Variants in LRTM3 observed in about 807,000 individuals in gnomAD.
LRTM3 encodes leucine-rich repeat transmembrane protein 3.
the LRTM3 span, chr13:102,747,160 C>T: frequency 6.4e-7 from 1 of 1,550,766 alleles, no homozygotes; most frequent in East Asian, 2.4e-5. Flanking sequence ...AATATGGATA[C>T]TTTTCTTCCC....
At chr13:102,738,707 A>G in the LRTM3 span, 6 of 1,550,680 alleles carry the variant, frequency 3.9e-6, no homozygotes, top group Non-Finnish European at 4.4e-6. Context: ...AGAGGATCTC[A>G]TTTTTATTCT....
At chr13:102,729,951 C>T in the LRTM3 span, 8 of 1,551,836 alleles carry the variant, frequency 5.2e-6, no homozygotes, top group Non-Finnish European at 6.1e-6. Flanking sequence ...GTTAAGGGAG[C>T]TGAAGAGTAA....
At chr13:102,751,623 T>C in the LRTM3 span, among the ~76,000 whole-genome samples, 1 of 152,190 alleles carries the variant, frequency 6.6e-6, no homozygotes, top group Non-Finnish European at 1.5e-5. Context: ...GCATATAAAA[T>C]AGGTCAGATA....
At chr13:102,751,671 T>C in the LRTM3 span, among the ~76,000 whole-genome samples, 12 of 152,334 alleles carry the variant, frequency 7.9e-5, 3 homozygotes, top group African/African-American at 2.6e-4. Context: ...ACAGATTATC[T>C]CTTACTTTAC....
the LRTM3 span, among the ~76,000 whole-genome samples, chr13:102,756,029 G>A: frequency 2.0e-5 from 3 of 148,586 alleles, 1 homozygote; most frequent in South Asian, 4.3e-4. Flanking sequence ...GTGCAATCTC[G>A]TCTCACTGCA....
the LRTM3 span, chr13:102,742,462 C>G: frequency 3.9e-6 from 6 of 1,548,836 alleles, no homozygotes; most frequent in Non-Finnish European, 5.2e-6. Flanking sequence ...CCCTTGTTTT[C>G]CAGTCTGCAG....
the LRTM3 span, chr13:102,758,478 T>C: frequency 6.5e-7 from 1 of 1,536,890 alleles, no homozygotes; most frequent in Non-Finnish European, 8.8e-7. Flanking sequence ...AAAGTCACAG[T>C]ATCAATGAGA....
At chr13:102,730,992 C>T in the LRTM3 span, 2 of 1,551,456 alleles carry the variant, frequency 1.3e-6, no homozygotes, top group Non-Finnish European at 1.7e-6. Flanking sequence ...GATTCTCTTA[C>T]AATTCTGGGA....
chr13:102,732,962 C>T, the LRTM3 span: 3 of 1,551,294 alleles, frequency 1.9e-6, no homozygotes, highest in Admixed American at 5.9e-5. Flanking sequence ...TTCCAGAACA[C>T]CTTCCTCTTG....
the LRTM3 span, chr13:102,733,959 A>G: frequency 6.4e-7 from 1 of 1,551,350 alleles, no homozygotes; most frequent in South Asian, 1.2e-5. Context: ...GGACAAGATG[A>G]TCCTGTAATT....
At chr13:102,738,155 G>C in the LRTM3 span, 1 of 1,550,934 alleles carries the variant, frequency 6.4e-7, no homozygotes, top group East Asian at 2.4e-5. Flanking sequence ...CTGTGAAAGT[G>C]CCTTCTTTGC....
chr13:102,732,024 A>G, the LRTM3 span: 6 of 1,551,126 alleles, frequency 3.9e-6, no homozygotes, highest in South Asian at 7.1e-5. Context: ...TTTGCTTCTG[A>G]TTTGACATTA....
chr13:102,758,983 T>A, the LRTM3 span: 1 of 1,140,302 alleles, frequency 8.8e-7, no homozygotes, highest in African/African-American at 1.6e-5. Context: ...AGTCCTTGAT[T>A]TCAGAGGCCC....
chr13:102,736,719 G>A, the LRTM3 span: 6 of 1,550,322 alleles, frequency 3.9e-6, no homozygotes, highest in Non-Finnish European at 5.2e-6. Flanking sequence ...ATATGGGAAA[G>A]GGGTGATTTC....
the LRTM3 span, among the ~76,000 whole-genome samples, chr13:102,754,859 T>G: frequency 6.6e-6 from 1 of 152,144 alleles, no homozygotes; most frequent in Admixed American, 6.5e-5. Context: ...AATCCTATAG[T>G]CATAGTAACA....
the LRTM3 span, chr13:102,731,828 G>A: frequency 1.3e-6 from 2 of 1,549,288 alleles, no homozygotes; most frequent in Non-Finnish European, 1.7e-6. Flanking sequence ...CCTTTGCTTG[G>A]GTAACTTTGG....
chr13:102,746,653 C>T, the LRTM3 span: 1 of 1,551,196 alleles, frequency 6.4e-7, no homozygotes, highest in Non-Finnish European at 8.7e-7. Context: ...TCTTTTTCAT[C>T]ACTTTAGAAC....
the LRTM3 span, chr13:102,749,340 A>G: frequency 3.9e-6 from 6 of 1,551,384 alleles, no homozygotes; most frequent in Non-Finnish European, 5.2e-6. Flanking sequence ...AATTCTGATG[A>G]AACAATTTGT....
the LRTM3 span, among the ~76,000 whole-genome samples, chr13:102,751,308 T>G: frequency 6.7e-6 from 1 of 150,294 alleles, no homozygotes. Flanking sequence ...CTTAAGCCAA[T>G]TATTTAAAAT....
Sources: gnomAD v4.1 joint callset for allele counts (sites outside exome capture counted in the v4.1 genomes callset) on GRCh38, gnomAD v4.1.1 for gene constraint, MANE v1.5 for transcripts, NCBI Gene and HGNC (gene_info 2026-07-23, HGNC 2026-07-21) for gene names.